The following ACTL6A variants were observed in gnomAD, a reference collection of about 807,000 sequenced individuals.
ACTL6A encodes the protein actin-like protein 6A.
A neutral mutation model predicts 59.2 loss-of-function variants in ACTL6A; 5 were observed. The ratio of observed to expected loss-of-function variants is 0.08; its 90% CI spans 0.04 to 0.18. The LOEUF is 0.18. ACTL6A is among the 10% of genes least tolerant of loss of function. ACTL6A has a pLI of 1.00. For synonymous variants in ACTL6A, 154 were observed against 171.8 expected, an observed-to-expected ratio of 0.90 and a Z score of 0.81; for missense variants, 285 against 526.9, an observed-to-expected ratio of 0.54 and a Z score of 4.49.
At chr3:179,569,991 A>G (rs191057585) in intron 2 of ACTL6A, 76 bp from the exon 3 acceptor site, 591 of 1,576,362 alleles carry the variant, frequency 3.7e-4, no homozygotes, top group Non-Finnish European at 4.9e-4. Context: ...AAAATATAAT[A>G]AAATACATTA....
intron 5 of ACTL6A, 113 bp downstream of exon 5, chr3:179,574,580 T>C (rs1481088364): frequency 2.6e-6 from 2 of 764,888 alleles, no homozygotes; most frequent in African/African-American, 3.5e-5. Flanking sequence ...GTTGTTTTTT[T>C]CCCTTTTCTC....
chr3:179,563,138 G>C, intron 1 of ACTL6A, 21 bp downstream of exon 1: 1 of 1,609,762 alleles, frequency 6.2e-7, no homozygotes. Flanking sequence ...GCGGCCGGAC[G>C]AGAGAGCGCG....
At chr3:179,576,167 CATT>C (rs761828879) in intron 5 of ACTL6A, 47 bp from the exon 6 acceptor site, 39 of 1,341,776 alleles carry the variant, frequency 2.9e-5, no homozygotes, top group Non-Finnish European at 4.2e-5. Flanking sequence ...TTACAATAAA[CATT>C]ATTTTAGCGG....
At chr3:179,565,558 G>A (rs914327126) in intron 1 of ACTL6A, among the ~76,000 whole-genome samples, 3 of 147,950 alleles carry the variant, frequency 2.0e-5, no homozygotes, top group Admixed American at 1.4e-4. Flanking sequence ...TATTGATTCC[G>A]TGTGGTGGAG....
chr3:179,575,853 A>T (rs985154056), intron 5 of ACTL6A, among the ~76,000 whole-genome samples: 1 of 152,180 alleles, frequency 6.6e-6, no homozygotes, highest in Admixed American at 6.5e-5. Context: ...CACTGTTCTT[A>T]CCAAGTTTCT....
At chr3:179,583,598 C>T in intron 12 of ACTL6A, 150 bp downstream of exon 12, 4 of 538,812 alleles carry the variant, frequency 7.4e-6, no homozygotes, top group South Asian at 5.1e-5. Context: ...ATCCTTTAAT[C>T]GTTTTCCTAG....
intron 8 of ACTL6A, among the ~76,000 whole-genome samples, chr3:179,578,485 G>A (rs1718236627): frequency 6.6e-6 from 1 of 152,056 alleles, no homozygotes; most frequent in South Asian, 2.1e-4. Flanking sequence ...AAGTGTGGGG[G>A]TGTGCACCTT....
Position 179,579,455 on chromosome 3 carries a change from TACACACACAC to T in ACTL6A, c.769-1159_769-1150del, listed in dbSNP as rs10650822. Among the ~76,000 whole-genome samples the T allele has an allele frequency of 1.2e-4, 18 of 145,148 alleles. 1 individual carries two copies. Among genetic ancestry groups the T allele is most frequent in the South Asian group, 2.2e-4 (1 of 4,470 alleles). Reference sequence around the variant, plus strand: ...TAAAAATTATTTTATTTATATCATATACACACACACACACACACACACACACACACACACA... The same window carrying T: ...TAAAAATTATTTTATTTATATCATATACACACACACACACACACACACACA... On this transcript the variant is annotated intron_variant, in intron 8 of 13. Coordinates refer to ENST00000429709, the MANE Select transcript of ACTL6A (RefSeq NM_004301.5).
chr3:179,588,151 T>A lies in ACTL6A; in HGVS notation c.*141T>A. The stretch of plus-strand genomic sequence containing the variant: ...AATTTCCACTTAAATTTTTTAAAGC[T>A]TTAACTGGCTCTATAAATTAAGTTT... On this transcript the variant is annotated 3_prime_UTR_variant, in exon 14 of 14. Transcript: ENST00000429709. The A allele has an allele frequency of 1.8e-6, 1 of 550,566 alleles. No homozygotes were observed. The highest frequency in any genetic ancestry group is 3.0e-6 in the Non-Finnish European group (1 of 329,712). The allele number at this position is 550,566 out of a possible 1,614,324, so 34.1% of individuals were successfully genotyped here.
intron 11 of ACTL6A, among the ~76,000 whole-genome samples, chr3:179,581,429 G>A (rs185677030): frequency 5.6e-4 from 85 of 152,264 alleles, no homozygotes; most frequent in Admixed American, 1.6e-3. Flanking sequence ...GTAGCTACCC[G>A]CCACATGTGG....
intron 8 of ACTL6A, among the ~76,000 whole-genome samples, chr3:179,580,249 G>A (rs1221916015): frequency 6.6e-6 from 1 of 152,178 alleles, no homozygotes; most frequent in Non-Finnish European, 1.5e-5. Context: ...ATTAAAAGTT[G>A]CATAAAATGT....
At chr3:179,572,339 TAAGA>T (rs1236395157) in intron 3 of ACTL6A, among the ~76,000 whole-genome samples, 2 of 151,958 alleles carry the variant, frequency 1.3e-5, no homozygotes, top group African/African-American at 2.4e-5. Context: ...AGCTTTACAC[TAAGA>T]AAGAAGTTAA....
At chr3:179,581,285 A>G in intron 11 of ACTL6A, 65 bp downstream of exon 11, 2 of 1,304,674 alleles carry the variant, frequency 1.5e-6, no homozygotes, top group African/African-American at 1.5e-5. Context: ...TCCCCAAATC[A>G]TTGTTAGGTT....
chr3:179,579,455 T>TATACACACACACACACACACACAC (rs1553778005), intron 8 of ACTL6A, among the ~76,000 whole-genome samples: 2 of 145,054 alleles, frequency 1.4e-5, no homozygotes, highest in South Asian at 4.5e-4. Flanking sequence ...TTATATCATA[T>TATACACACACACACACACACACAC]ACACACACAC....
chr3:179,572,441 G>C (rs1197436881), intron 3 of ACTL6A, among the ~76,000 whole-genome samples: 1 of 152,082 alleles, frequency 6.6e-6, no homozygotes, highest in Non-Finnish European at 1.5e-5. Context: ...TCTTGTGTAG[G>C]CAATACTGTC....
At chr3:179,583,754 G>A (rs184020422) in intron 12 of ACTL6A, 154 of 209,814 alleles carry the variant, frequency 7.3e-4, no homozygotes, top group African/African-American at 3.6e-3. Context: ...ACTGTAACAT[G>A]CTCAACAATT....
At chr3:179,563,788 G>T (rs924078972) in intron 1 of ACTL6A, among the ~76,000 whole-genome samples, 1 of 152,178 alleles carries the variant, frequency 6.6e-6, no homozygotes, top group Admixed American at 6.5e-5. Context: ...ATTTAAGGAT[G>T]CCCAGAAAGT....
chr3:179,581,350 GTA>G (rs1718334430), intron 11 of ACTL6A, 130 bp downstream of exon 11: 4 of 753,064 alleles, frequency 5.3e-6, no homozygotes. Context: ...TTTTATAACA[GTA>G]TATGTAAAAA....
chr3:179,563,414 G>T (rs1489230888), intron 1 of ACTL6A, among the ~76,000 whole-genome samples: 1 of 152,214 alleles, frequency 6.6e-6, no homozygotes, highest in Non-Finnish European at 1.5e-5. Flanking sequence ...GGCTGGGCGG[G>T]AGGCTCAGTC....
Sources: gnomAD v4.1 joint callset for allele counts (sites outside exome capture counted in the v4.1 genomes callset) on GRCh38, gnomAD v4.1.1 for gene constraint, MANE v1.5 for transcripts, NCBI Gene and HGNC (gene_info 2026-07-23, HGNC 2026-07-21) for gene names.